Variants in PPM1L observed in about 807,000 individuals in gnomAD.
PPM1L encodes the protein protein phosphatase 1L.
Under a neutral mutation model 31.4 loss-of-function variants are expected in PPM1L, and 13 were observed. The ratio of observed to expected loss-of-function variants is 0.41; its 90% CI spans 0.27 to 0.66. The LOEUF (loss-of-function observed/expected upper bound fraction) is 0.66, where lower values mean the gene tolerates loss of function less well. Among genes scored for constraint, PPM1L ranks in the 30% least tolerant of loss-of-function variants. The pLI is 0.29. For missense variants in PPM1L, 326 were observed against 453.7 expected, an observed-to-expected ratio of 0.72 and a Z score of 2.56; for synonymous variants, 184 against 175.4, an observed-to-expected ratio of 1.05 and a Z score of -0.39.
chr3:161,047,192 CG>C (rs2108094853), intron 2 of PPM1L, among the ~76,000 whole-genome samples: 1 of 152,258 alleles, frequency 6.6e-6, no homozygotes, highest in African/African-American at 2.4e-5. Flanking sequence ...TAGAAAACCC[CG>C]TCATCTCAGC....
chr3:160,975,958 C>T (rs1055524335), intron 2 of PPM1L, among the ~76,000 whole-genome samples: 1 of 148,056 alleles, frequency 6.8e-6, no homozygotes, highest in African/African-American at 2.5e-5. Context: ...TGGCAGTTTT[C>T]AAAGGGAATG....
rs1576653504 is a variant in PPM1L, at chr3:160,819,837, G to C, written c.399+63130G>C. 2.0e-5 allele frequency among the ~76,000 whole-genome samples: 3 copies of C among 152,066 alleles called. No homozygotes were observed. In the South Asian group the frequency reaches 6.2e-4, roughly 32 times the overall value. ...TATTGTTGTTATTTTTAAAAAAATA[G>C]ATCTTAGGTATACAGAATTATATTA... is the stretch of plus-strand genomic sequence containing the variant. On this transcript the variant is annotated intron_variant, in intron 1 of 3. Transcript: ENST00000498165.
chr3:160,885,067 A>G (rs1034139672), intron 1 of PPM1L, among the ~76,000 whole-genome samples: 1 of 152,170 alleles, frequency 6.6e-6, no homozygotes, highest in Non-Finnish European at 1.5e-5. Flanking sequence ...ACCTTCAAGC[A>G]TATTAGACTC....
intron 1 of PPM1L, among the ~76,000 whole-genome samples, chr3:160,945,392 G>A (rs1358285281): frequency 1.3e-5 from 2 of 152,004 alleles, no homozygotes; most frequent in African/African-American, 4.8e-5. Flanking sequence ...TTGCCATCCT[G>A]AATTTAGACC....
intron 2 of PPM1L, among the ~76,000 whole-genome samples, chr3:161,010,807 C>G (rs548695481): frequency 1.2e-3 from 184 of 152,320 alleles, no homozygotes; most frequent in African/African-American, 4.2e-3. Flanking sequence ...TGTCTGTTGG[C>G]TGCATAAATG....
chr3:161,015,085 AG>A (rs1298901908), intron 2 of PPM1L, among the ~76,000 whole-genome samples: 1 of 150,556 alleles, frequency 6.6e-6, no homozygotes, highest in East Asian at 2.0e-4. Context: ...GGAGTAGCAA[AG>A]GGGGGTGAAT....
rs1345737223 is a variant in PPM1L at position 160,756,270 on chromosome 3, G to C, written c.-39G>C. ...CCCGGACCCGGCGAGCCTTCGGGGCGCGCGTCGCTGGTGGTGGTTGAGGCT... is the reference window on the plus strand; with the variant it reads ...CCCGGACCCGGCGAGCCTTCGGGGCCCGCGTCGCTGGTGGTGGTTGAGGCT... On this transcript the variant is annotated 5_prime_UTR_variant, in exon 1 of 4. Transcript: ENST00000498165. This position sits in a 1 kb window ranked among gnomAD's most constrained non-coding sequence, Gnocchi z 6.2. 6.4e-7 allele frequency: 1 copy of C among 1,567,918 alleles called. No individual in the cohort carries two copies. The highest frequency in any genetic ancestry group is 1.3e-5 in the African/African-American group (1 of 74,136).
At chr3:160,944,813 T>TATATATGTTATATATAACATATATAACAC (rs1559896929) in intron 1 of PPM1L, among the ~76,000 whole-genome samples, 180 of 15,556 alleles carry the variant, frequency 0.012, 10 homozygotes, top group Middle Eastern at 0.062. Context: ...ATATATAACA[T>TATATATGTTATATATAACATATATAACAC]ATATATGTTA....
intron 2 of PPM1L, among the ~76,000 whole-genome samples, chr3:161,012,403 C>T (rs1394790706): frequency 1.3e-5 from 2 of 152,058 alleles, no homozygotes; most frequent in Non-Finnish European, 2.9e-5. Flanking sequence ...TTTGATGTGC[C>T]ACTGGATTCG....
chr3:160,886,607 C>G (rs1712924769), intron 1 of PPM1L, among the ~76,000 whole-genome samples: 1 of 152,070 alleles, frequency 6.6e-6, no homozygotes, highest in Non-Finnish European at 1.5e-5. Flanking sequence ...CCGCAGCAGC[C>G]CTACAGAAGA....
At chr3:160,967,229 T>A (rs1716180020) in intron 2 of PPM1L, among the ~76,000 whole-genome samples, 1 of 152,052 alleles carries the variant, frequency 6.6e-6, no homozygotes, top group Admixed American at 6.6e-5. Context: ...TGAGGCCTCC[T>A]CAGCCATGTG....
intron 2 of PPM1L, among the ~76,000 whole-genome samples, chr3:161,058,445 A>C (rs1355047375): frequency 6.6e-6 from 1 of 151,806 alleles, no homozygotes; most frequent in East Asian, 1.9e-4. Flanking sequence ...ATTATTACTA[A>C]AGTAACAATT....
Position 160,910,246 on chromosome 3 carries a change from T to TTTCCCC in PPM1L, c.400-51481_400-51476dup, listed in dbSNP as rs1368757926. Among the ~76,000 whole-genome samples, 22 of 20,784 alleles carry TTTCCCC rather than the reference T, an allele frequency of 1.1e-3. 1 individual carries two copies. The highest frequency in any genetic ancestry group is 2.1e-3 in the African/African-American group (10 of 4,750). The allele number at this position is 20,784 out of a possible 152,430, so 13.6% of individuals were successfully genotyped here. ...CCTTTCCTTTCCCCTTCCCCTTTCC[T>TTTCCCC]TTCCCCTTCCCCTTTCCCCTTCCCC... On this transcript the variant is annotated intron_variant, in intron 1 of 3. Transcript: ENST00000498165.
At chr3:160,985,282 G>C (rs1019119473) in intron 2 of PPM1L, among the ~76,000 whole-genome samples, 1 of 152,142 alleles carries the variant, frequency 6.6e-6, no homozygotes, top group African/African-American at 2.4e-5. Context: ...TACCCAATGT[G>C]TATTCTCCCC....
intron 1 of PPM1L, among the ~76,000 whole-genome samples, chr3:160,802,059 C>T (rs372418569): frequency 9.2e-5 from 14 of 152,272 alleles, no homozygotes; most frequent in East Asian, 3.9e-4. Flanking sequence ...GTGGCTACGT[C>T]GGGTTCTGCC....
intron 2 of PPM1L, among the ~76,000 whole-genome samples, chr3:160,963,046 A>G (rs1716017001): frequency 6.6e-6 from 1 of 151,128 alleles, no homozygotes; most frequent in African/African-American, 2.4e-5. Context: ...TATTCTTCTC[A>G]TTGGAATTCT....
rs1280300991 is a variant in PPM1L, at chr3:161,071,072, T to C, written c.*1915T>C. On this transcript the variant is annotated 3_prime_UTR_variant, in exon 4 of 4. Coordinates refer to ENST00000498165, the MANE Select transcript of PPM1L (RefSeq NM_139245.4). ...TGCCTATGGGGAGACACTGAATATG[T>C]GGATGTGTGTATTAATATTTGGGGT... 1 of 152,212 alleles carries C rather than the reference T, an allele frequency of 6.6e-6. No homozygotes were observed. Among genetic ancestry groups the C allele is most frequent in the African/African-American group, 2.4e-5 (1 of 41,452 alleles). The allele number at this position is 152,212 out of a possible 1,614,324, so 9.4% of individuals were successfully genotyped here.
intron 1 of PPM1L, among the ~76,000 whole-genome samples, chr3:160,825,302 A>G (rs1015467197): frequency 6.6e-6 from 1 of 152,176 alleles, no homozygotes; most frequent in African/African-American, 2.4e-5. Flanking sequence ...CAATATTATT[A>G]ATAATATTAA....
intron 1 of PPM1L, among the ~76,000 whole-genome samples, chr3:160,950,196 A>G (rs1055969162): frequency 6.6e-6 from 1 of 151,972 alleles, no homozygotes; most frequent in Non-Finnish European, 1.5e-5. Flanking sequence ...TTGTCAATCC[A>G]CCTCCTTGTA....
Sources: gnomAD v4.1 joint callset for allele counts (sites outside exome capture counted in the v4.1 genomes callset) on GRCh38, gnomAD v4.1.1 for gene constraint, Gnocchi (gnomAD v3.1) non-coding constraint, MANE v1.5 for transcripts, NCBI Gene and HGNC (gene_info 2026-07-23, HGNC 2026-07-21) for gene names.